Variants in DENND3 observed in about 807,000 individuals in gnomAD.
The protein encoded by DENND3 is DENN domain-containing protein 3.
DENND3 carries 88 observed loss-of-function variants against 135.1 expected under a neutral mutation model. The observed-to-expected ratio is 0.65, with a 90% CI of 0.55 to 0.78. The LOEUF (loss-of-function observed/expected upper bound fraction) is 0.78. Among genes scored for constraint, DENND3 ranks in the 30% least tolerant of loss-of-function variants. The pLI is 0.00. For synonymous variants in DENND3, 693 were observed against 712.3 expected (o/e 0.97, Z 0.43); for missense variants, 1,392 against 1,688.4 (o/e 0.82, Z 3.08).
Position 141,175,918 on chromosome 8 carries a change from A to G in DENND3, c.2535+459A>G. On this transcript the variant is annotated intron_variant, in intron 14 of 22. Coordinates refer to ENST00000519811, the MANE Select transcript of DENND3 (RefSeq NM_001352890.3). The surrounding 1 kb of genome is among the most constrained non-coding windows in gnomAD (Gnocchi z 5.4). ...AAGCTTATTTTATAACAATTAAAAAATCTTCAAACAGTTTTAACATTATAT... is the reference window on the plus strand; with the variant it reads ...AAGCTTATTTTATAACAATTAAAAAGTCTTCAAACAGTTTTAACATTATAT... 1 of 210,082 alleles carries G rather than the reference A, an allele frequency of 4.8e-6. No homozygotes were observed. The allele number at this position is 210,082 out of a possible 1,614,324, so 13.0% of individuals were successfully genotyped here. A position where few individuals can be genotyped will look rare whatever the true frequency, so the allele number is the denominator to read the frequency against.
chr8:141,136,236 G>A lies in DENND3; in HGVS notation c.103-273G>A, dbSNP rs1271207860. The stretch of plus-strand genomic sequence containing the variant: ...GTGGATCCCAGTCCGCAGCCTGGAC[G>A]GCAGTGCTTTATAGGAAGGAGGTGA... On this transcript the variant is annotated intron_variant, in intron 1 of 22. Coordinates refer to ENST00000519811, the MANE Select transcript of DENND3 (RefSeq NM_001352890.3). Among the ~76,000 whole-genome samples the A allele has an allele frequency of 3.3e-5, 5 of 152,306 alleles. No individual in the cohort carries two copies. The East Asian group carries it at 5.8e-4, about 18-fold the overall frequency.
chr8:141,183,856 G>A (rs1248356549), intron 17 of DENND3, among the ~76,000 whole-genome samples: 1 of 152,110 alleles, frequency 6.6e-6, no homozygotes, highest in Admixed American at 6.5e-5. Context: ...GGGGGTGCAG[G>A]TGTTGAAACA....
chr8:141,185,392 G>A, intron 18 of DENND3, 114 bp downstream of exon 18: 1 of 1,400,528 alleles, frequency 7.1e-7, no homozygotes, highest in Non-Finnish European at 9.6e-7. Flanking sequence ...GCCTCACTCG[G>A]TTTCTGTAAA....
In DENND3 at chr8:141,194,657, C is replaced by T. The variant is rs759536761; in HGVS notation, c.*424C>T. ...CATTCATTCACTCACCCAGTCCTTA[C>T]GAATCACCGAGGAACACTGGGCTGA... is the stretch of plus-strand genomic sequence containing the variant. On this transcript the variant is annotated 3_prime_UTR_variant, in exon 23 of 23. Transcript: ENST00000519811. The T allele has an allele frequency of 6.1e-5, 12 of 196,728 alleles. No homozygotes were observed. Among genetic ancestry groups the T allele is most frequent in the Non-Finnish European group, 1.2e-4 (11 of 93,324 alleles). The allele number at this position is 196,728 out of a possible 1,614,324, so 12.2% of individuals were successfully genotyped here.
intron 20 of DENND3, 43 bp downstream of exon 20, chr8:141,190,460 T>C: frequency 6.4e-7 from 1 of 1,550,648 alleles, no homozygotes; most frequent in Non-Finnish European, 8.7e-7. Context: ...CCTACCTCCC[T>C]GCTCTGGGAA....
intron 16 of DENND3, 47 bp from the exon 17 acceptor site, chr8:141,180,700 T>C (rs1822981630): frequency 6.4e-7 from 1 of 1,558,738 alleles, no homozygotes; most frequent in Non-Finnish European, 8.8e-7. Context: ...ATCGCGTCTG[T>C]TTCCTTGAGG....
At position 141,192,508 on chromosome 8, in the gene DENND3, C is replaced by G. The variant is rs751566058; in HGVS notation, c.3499-18C>G. 1.2e-6 allele frequency: 2 copies of G among 1,605,058 alleles called. No homozygotes were observed. Among genetic ancestry groups the G allele is most frequent in the Non-Finnish European group, 1.7e-6 (2 of 1,174,730 alleles). ...CGTGGCCCGGGGCCCATAGCCCACA[C>G]CGTGCCCTGCGTTTCAGGAGGAGCA... On this transcript the variant is annotated intron_variant, in intron 21 of 22. Coordinates refer to ENST00000519811, the MANE Select transcript of DENND3 (RefSeq NM_001352890.3).
intron 16 of DENND3, among the ~76,000 whole-genome samples, chr8:141,179,650 C>T (rs1309643632): frequency 6.6e-6 from 1 of 152,240 alleles, no homozygotes; most frequent in Non-Finnish European, 1.5e-5. Context: ...GCTGAAGAGG[C>T]GTTGGCCGCG....
chr8:141,156,271 TG>T (rs1299470951), intron 8 of DENND3, among the ~76,000 whole-genome samples: 2 of 152,120 alleles, frequency 1.3e-5, no homozygotes, highest in Non-Finnish European at 2.9e-5. Context: ...GGCTAATTTT[TG>T]TATTTTCAGT....
chr8:141,135,924 C>T (rs564369890), intron 1 of DENND3, among the ~76,000 whole-genome samples: 5 of 152,344 alleles, frequency 3.3e-5, no homozygotes, highest in African/African-American at 1.2e-4. Flanking sequence ...CATGCGTCCT[C>T]CCAGATCAGT....
Position 141,139,319 on chromosome 8 carries a change from G to A in DENND3, c.501+1182G>A, listed in dbSNP as rs1817169351. Among the ~76,000 whole-genome samples the A allele has an allele frequency of 2.6e-5, 4 of 152,342 alleles. No homozygotes were observed. In the South Asian group the frequency reaches 6.2e-4, roughly 24 times the overall value. ...ATGGATTCTGTCCCTGTAAGCTCAT[G>A]GGGCAGCACAGACAGGCCCGGATGT... On this transcript the variant is annotated intron_variant, in intron 3 of 22. Coordinates refer to ENST00000519811, the MANE Select transcript of DENND3 (RefSeq NM_001352890.3). The surrounding 1 kb of genome is among the most constrained non-coding windows in gnomAD (Gnocchi z 4.2).
intron 15 of DENND3, chr8:141,177,119 G>A: frequency 4.1e-6 from 1 of 242,340 alleles, no homozygotes. Context: ...GGTGTTTTGG[G>A]CTTCCCTGCT....
Position 141,128,679 on chromosome 8 carries a change from G to T in DENND3, c.-29G>T. On this transcript the variant is annotated 5_prime_UTR_variant, in exon 1 of 23. Coordinates refer to ENST00000519811, the MANE Select transcript of DENND3 (RefSeq NM_001352890.3). This position sits in a 1 kb window ranked among gnomAD's most constrained non-coding sequence, Gnocchi z 4.5. ...GACTGCGCGGCTGAGGCGCCCGAGTGCGGTACTGGCGGCGGGCGGCGGGCA... is the reference window on the plus strand; with the variant it reads ...GACTGCGCGGCTGAGGCGCCCGAGTTCGGTACTGGCGGCGGGCGGCGGGCA... 9 of 1,340,800 alleles carry T rather than the reference G, an allele frequency of 6.7e-6. No individual in the cohort carries two copies. Among genetic ancestry groups the T allele is most frequent in the Non-Finnish European group, 8.6e-6 (9 of 1,043,304 alleles). The allele number at this position is 1,340,800 out of a possible 1,614,324, so 83.1% of individuals were successfully genotyped here.
rs1387256951 is a variant in DENND3, at chr8:141,166,618, C to T, written c.1753+229C>T. On this transcript the variant is annotated intron_variant, in intron 12 of 22. Coordinates refer to ENST00000519811, the MANE Select transcript of DENND3 (RefSeq NM_001352890.3). This position sits in a 1 kb window ranked among gnomAD's most constrained non-coding sequence, Gnocchi z 4.3. ...GTGTCACCGCTAAAGATAACGGGGG[C>T]TCGGCATGGTTCGGCATCCTTCACA... 6.6e-6 allele frequency among the ~76,000 whole-genome samples: 1 copy of T among 152,210 alleles called. No homozygotes were observed. Among genetic ancestry groups the T allele is most frequent in the Non-Finnish European group, 1.5e-5 (1 of 68,046 alleles).
chr8:141,155,975 C>T lies in DENND3; in HGVS notation c.1196+5C>T, dbSNP rs372787004. 36 of 1,597,052 alleles carry T rather than the reference C, an allele frequency of 2.3e-5. No individual in the cohort carries two copies. Among genetic ancestry groups the T allele is most frequent in the African/African-American group, 1.9e-4 (14 of 74,372 alleles). ...AGCCCAGACGTTTATTCAGAGGTAA[C>T]GGGAAACATTAATGGTATGAATTTC... On this transcript the variant is annotated splice_donor_5th_base_variant and intron_variant, in intron 8 of 22. Coordinates refer to ENST00000519811, the MANE Select transcript of DENND3 (RefSeq NM_001352890.3).
At chr8:141,186,552 G>A (rs1047092644) in intron 18 of DENND3, among the ~76,000 whole-genome samples, 1 of 152,146 alleles carries the variant, frequency 6.6e-6, no homozygotes, top group African/African-American at 2.4e-5. Context: ...GCTCATCAGC[G>A]ATCGTTAATG....
rs118157870 is a variant in DENND3, at chr8:141,181,158, C to T, written c.2944+304C>T. 2.3e-3 allele frequency among the ~76,000 whole-genome samples: 344 copies of T among 152,304 alleles called. 7 individuals are homozygous for T. In the East Asian group the frequency reaches 0.057, roughly 25 times the overall value. On this transcript the variant is annotated intron_variant, in intron 17 of 22. Coordinates refer to ENST00000519811, the MANE Select transcript of DENND3 (RefSeq NM_001352890.3). Reference sequence around the variant, plus strand: ...CACCTTCTAGAGCAGTCGACGGTCACGCTAGCTCTTTCTTTTTTTGAGACG... The same window carrying T: ...CACCTTCTAGAGCAGTCGACGGTCATGCTAGCTCTTTCTTTTTTTGAGACG...
rs777869178 is a variant in DENND3, at chr8:141,178,137, C to T, written c.2777C>T (p.Ser926Leu). ...GACGCCGTCGTGGGCACACTGCAGT[C>T]ACCAGGCGCCATCTACGCTGCCTCC... is the stretch of plus-strand genomic sequence containing the variant. ...LMDAVVGTLQ[S>L]PGAIYAASKL... The change falls in exon 16 of 23, where the codon TCA (serine) becomes TTA (leucine). Residue 926 changes from serine (S) to leucine (L), a missense_variant. By Grantham distance (145) the Ser-to-Leu change is moderately radical. Coordinates refer to ENST00000519811, the MANE Select transcript of DENND3 (RefSeq NM_001352890.3). 2.5e-6 allele frequency: 4 copies of T among 1,613,510 alleles called. No individual in the cohort carries two copies. Among genetic ancestry groups the T allele is most frequent in the South Asian group, 1.1e-5 (1 of 91,062 alleles).
intron 4 of DENND3, chr8:141,143,814 G>A (rs920288353): frequency 9.8e-6 from 2 of 204,680 alleles, no homozygotes; most frequent in African/African-American, 4.7e-5. Context: ...ATTCCTTACC[G>A]AGGTAAAACA....
Sources: allele counts gnomAD v4.1 joint callset (sites outside exome capture counted in the v4.1 genomes callset), GRCh38; gene constraint gnomAD v4.1.1; non-coding constraint Gnocchi (gnomAD v3.1); transcripts MANE v1.5; gene names NCBI Gene and HGNC (gene_info 2026-07-23, HGNC 2026-07-21).